The following LRRC74A variants were observed in gnomAD, a reference collection of about 807,000 sequenced individuals.
LRRC74A encodes the protein leucine-rich repeat-containing protein 74A.
Under a neutral mutation model 57.9 loss-of-function variants are expected in LRRC74A, and 44 were observed. That is an observed-to-expected ratio of 0.76 (90% CI 0.60 to 0.98). The LOEUF is 0.98. Among genes scored for constraint, LRRC74A ranks in the 50% least tolerant of loss-of-function variants. The pLI, the probability that LRRC74A is intolerant of heterozygous loss-of-function variation, is 0.00. For synonymous variants in LRRC74A, 211 were observed against 219.4 expected (o/e 0.96, Z 0.34); for missense variants, 572 against 574.0 (o/e 1.00, Z 0.04).
chr14:76,856,684 GC>G (rs2140301363), intron 9 of LRRC74A, among the ~76,000 whole-genome samples: 1 of 150,966 alleles, frequency 6.6e-6, no homozygotes, highest in East Asian at 2.0e-4. Flanking sequence ...GGATGGATGA[GC>G]AGTGAGATGG....
At chr14:76,847,505 CAG>C (rs1897184034) in intron 7 of LRRC74A, among the ~76,000 whole-genome samples, 2 of 151,770 alleles carry the variant, frequency 1.3e-5, no homozygotes, top group African/African-American at 4.8e-5. Context: ...CACACGAACA[CAG>C]AGAGGGGAAC....
At chr14:76,834,618 A>T (rs970309007) in intron 3 of LRRC74A, among the ~76,000 whole-genome samples, 1 of 152,144 alleles carries the variant, frequency 6.6e-6, no homozygotes, top group Admixed American at 6.5e-5. Context: ...TGAGAATGGG[A>T]ATGTTCTCTG....
At chr14:76,855,093 C>T (rs1897788610) in intron 9 of LRRC74A, among the ~76,000 whole-genome samples, 1 of 152,206 alleles carries the variant, frequency 6.6e-6, no homozygotes, top group Non-Finnish European at 1.5e-5. Flanking sequence ...AGTGAGGAGA[C>T]AGTGAGGAAG....
At chr14:76,827,073 G>GT (rs1555363286) in intron 1 of LRRC74A, among the ~76,000 whole-genome samples, 4 of 152,042 alleles carry the variant, frequency 2.6e-5, no homozygotes, top group African/African-American at 7.2e-5. Flanking sequence ...GGTGTTGTTT[G>GT]TTTTTTTTCC....
chr14:76,861,680 G>T (rs1351279679), intron 11 of LRRC74A, among the ~76,000 whole-genome samples: 1 of 152,262 alleles, frequency 6.6e-6, no homozygotes, highest in Non-Finnish European at 1.5e-5. Flanking sequence ...CGCCGAAAGG[G>T]ATGTTATTGC....
intron 4 of LRRC74A, among the ~76,000 whole-genome samples, chr14:76,836,915 C>G (rs1251086214): frequency 1.3e-5 from 2 of 148,406 alleles, no homozygotes; most frequent in Admixed American, 6.7e-5. Context: ...GCAAAGTGGG[C>G]AGATCACCTG....
chr14:76,840,877 C>T (rs536594328), intron 5 of LRRC74A, among the ~76,000 whole-genome samples: 2 of 152,220 alleles, frequency 1.3e-5, no homozygotes, highest in African/African-American at 4.8e-5. Flanking sequence ...GCCACCGCAC[C>T]TGGCCTATTT....
chr14:76,838,628 A>G (rs1018383218), intron 5 of LRRC74A, among the ~76,000 whole-genome samples: 8 of 152,268 alleles, frequency 5.3e-5, no homozygotes, highest in African/African-American at 1.9e-4. Context: ...AAATGTGCAG[A>G]TACAGGAATC....
chr14:76,835,160 A>G (rs1461151785), intron 3 of LRRC74A, among the ~76,000 whole-genome samples: 1 of 152,152 alleles, frequency 6.6e-6, no homozygotes, highest in African/African-American at 2.4e-5. Flanking sequence ...TTCATGCTGC[A>G]ATGCGAATCC....
intron 7 of LRRC74A, among the ~76,000 whole-genome samples, chr14:76,850,245 T>C (rs1897362572): frequency 6.6e-6 from 1 of 152,024 alleles, no homozygotes; most frequent in South Asian, 2.1e-4. Context: ...CAGGTTGATA[T>C]CTCCATCGTA....
chr14:76,850,399 T>C (rs1040083804), intron 7 of LRRC74A, among the ~76,000 whole-genome samples: 2 of 150,714 alleles, frequency 1.3e-5, no homozygotes, highest in East Asian at 1.9e-4. Flanking sequence ...AATGAGGGAA[T>C]TGGCAGAGAA....
In LRRC74A at chr14:76,836,299, C is replaced by T. The variant is rs1381845501; in HGVS notation, c.432C>T (p.Tyr144=). ...LSLVEMLQEN[Y]YLQEMNISNN... Reference sequence around the variant, plus strand: ...TGGTGGAGATGCTACAAGAGAACTACTACCTCCAGGAGATGGTACTGTGCC... The same window carrying T: ...TGGTGGAGATGCTACAAGAGAACTATTACCTCCAGGAGATGGTACTGTGCC... The change falls in exon 4 of 14, where the codon TAC becomes TAT. Residue 144 remains tyrosine (Y), a synonymous_variant. Coordinates refer to ENST00000689127, the MANE Select transcript of LRRC74A (RefSeq NM_001385106.1). The T allele has an allele frequency of 1.9e-6, 3 of 1,610,752 alleles. No homozygotes were observed. The highest frequency in any genetic ancestry group is 1.7e-6 in the Non-Finnish European group (2 of 1,177,350).
rs373834110 is a variant in LRRC74A, at chr14:76,852,345, C to T, written c.677-20C>T. 1.2e-5 allele frequency: 19 copies of T among 1,581,410 alleles called. No individual in the cohort carries two copies. In the African/African-American group the frequency reaches 1.3e-4, roughly 11 times the overall value. On this transcript the variant is annotated intron_variant, in intron 7 of 13. Coordinates refer to ENST00000689127, the MANE Select transcript of LRRC74A (RefSeq NM_001385106.1). ...TTCTGGGCTGTGGGAGATGCTAAGC[C>T]GATTCCCTCCCTGTTTCAGCCATCA...
chr14:76,831,806 C>CA (rs1312852117), intron 3 of LRRC74A, among the ~76,000 whole-genome samples: 1 of 152,120 alleles, frequency 6.6e-6, no homozygotes, highest in African/African-American at 2.4e-5. Context: ...CCTTGTGCAA[C>CA]ATTATATTTC....
At chr14:76,869,535 G>C (rs905201475) in intron 13 of LRRC74A, among the ~76,000 whole-genome samples, 22 of 152,192 alleles carry the variant, frequency 1.4e-4, no homozygotes, top group Non-Finnish European at 2.9e-4. Context: ...GGTGGAGCAC[G>C]AGGTCAGGAG....
intron 7 of LRRC74A, 81 bp from the exon 8 acceptor site, chr14:76,852,282 CCA>C: frequency 9.7e-7 from 1 of 1,029,382 alleles, no homozygotes; most frequent in Non-Finnish European, 1.4e-6. Flanking sequence ...GTCTTTATCC[CCA>C]GTGTCATGGA....
intron 12 of LRRC74A, 121 bp from the exon 13 acceptor site, chr14:76,867,235 T>TGTGGGTGTATGTGTGTTG: frequency 3.0e-6 from 1 of 332,856 alleles, no homozygotes; most frequent in Non-Finnish European, 5.4e-6. Flanking sequence ...GTAGTGTGTG[T>TGTGGGTGTATGTGTGTTG]GGGGGTGTGT....
intron 7 of LRRC74A, among the ~76,000 whole-genome samples, chr14:76,850,640 G>A (rs573603567): frequency 4.4e-4 from 67 of 152,062 alleles, no homozygotes; most frequent in Non-Finnish European, 8.5e-4. Flanking sequence ...TCCGAGGCGG[G>A]TGGATCACCT....
chr14:76,852,150 A>AT (rs1474211208), intron 7 of LRRC74A, among the ~76,000 whole-genome samples: 5 of 152,190 alleles, frequency 3.3e-5, no homozygotes, highest in Non-Finnish European at 5.9e-5. Context: ...CACCTAAACT[A>AT]TGTAAGGAGG....
Sources: allele counts gnomAD v4.1 joint callset (sites outside exome capture counted in the v4.1 genomes callset), GRCh38; gene constraint gnomAD v4.1.1; transcripts MANE v1.5; gene names NCBI Gene and HGNC (gene_info 2026-07-23, HGNC 2026-07-21).